The following FGF14 variants were observed in gnomAD, a reference collection of about 807,000 sequenced individuals.
The protein encoded by FGF14 is fibroblast growth factor homologous factor 4.
FGF14 carries 5 observed loss-of-function variants against 25.5 expected under a neutral mutation model. The observed-to-expected ratio is 0.20, with a 90% CI of 0.10 to 0.41. The LOEUF is 0.41. Among genes scored for constraint, FGF14 ranks in the 10% least tolerant of loss-of-function variants. The pLI is 1.00. For missense variants in FGF14, 222 were observed against 320.1 expected (o/e 0.69, Z 2.34); for synonymous variants, 138 against 118.3 (o/e 1.17, Z -1.08).
intron 1 of FGF14, among the ~76,000 whole-genome samples, chr13:102,145,612 C>A (rs919599635): frequency 5.3e-5 from 8 of 152,146 alleles, no homozygotes; most frequent in Non-Finnish European, 1.2e-4. Flanking sequence ...ACCAGTTACA[C>A]CTGTTAATGA....
chr13:102,204,661 C>T (rs909589964), intron 1 of FGF14, among the ~76,000 whole-genome samples: 3 of 152,086 alleles, frequency 2.0e-5, no homozygotes, highest in African/African-American at 7.2e-5. Context: ...ATTCTCCTGC[C>T]TCAGCCTCCC....
At chr13:102,258,473 C>A (rs1442363944) in intron 1 of FGF14, among the ~76,000 whole-genome samples, 1 of 152,146 alleles carries the variant, frequency 6.6e-6, no homozygotes, top group East Asian at 1.9e-4. Context: ...CCTTTTGGGA[C>A]TGCCTCACCC....
chr13:101,774,489 G>A (rs949008609), intron 3 of FGF14, among the ~76,000 whole-genome samples: 1 of 152,094 alleles, frequency 6.6e-6, no homozygotes, highest in Non-Finnish European at 1.5e-5. Context: ...GCTTTCGTTA[G>A]CTCTTATAGG....
intron 1 of FGF14, among the ~76,000 whole-genome samples, chr13:102,340,864 G>T (rs927352406): frequency 1.3e-5 from 2 of 152,184 alleles, no homozygotes; most frequent in African/African-American, 4.8e-5. Flanking sequence ...CCATGCATGT[G>T]TAATAGTTTA....
chr13:102,022,128 A>AC (rs1169498297), intron 1 of FGF14, among the ~76,000 whole-genome samples: 1 of 150,520 alleles, frequency 6.6e-6, no homozygotes, highest in Non-Finnish European at 1.5e-5. Flanking sequence ...CAGCACCCCC[A>AC]CCCCCCTTAC....
intron 1 of FGF14, among the ~76,000 whole-genome samples, chr13:102,202,179 G>A (rs1196068588): frequency 6.6e-6 from 1 of 152,148 alleles, no homozygotes; most frequent in Non-Finnish European, 1.5e-5. Flanking sequence ...GCGAAACCAT[G>A]AGCCAGTTAA....
At chr13:102,114,194 T>C (rs1594007046) in intron 1 of FGF14, among the ~76,000 whole-genome samples, 1 of 152,252 alleles carries the variant, frequency 6.6e-6, no homozygotes, top group Non-Finnish European at 1.5e-5. Context: ...CATATACCTA[T>C]TGATTACTGT....
At chr13:102,103,628 A>C (rs896682290) in intron 1 of FGF14, among the ~76,000 whole-genome samples, 10 of 152,198 alleles carry the variant, frequency 6.6e-5, no homozygotes, top group Non-Finnish European at 1.5e-4. Context: ...ACAAATGCAA[A>C]GCATCAAAGC....
intron 1 of FGF14, among the ~76,000 whole-genome samples, chr13:101,892,410 A>T (rs2029886620): frequency 6.6e-6 from 1 of 152,158 alleles, no homozygotes; most frequent in African/African-American, 2.4e-5. Flanking sequence ...AGTAAAAGCT[A>T]ATTAAGATCA....
At position 102,161,564 on chromosome 13, in the gene FGF14, GTGAAGAAAGAAAGA is replaced by G. The variant is rs2047629997; in HGVS notation, c.208+239893_208+239906del. 2.6e-3 allele frequency among the ~76,000 whole-genome samples: 23 copies of G among 8,704 alleles called. 2 individuals are homozygous for G. Among genetic ancestry groups the G allele is most frequent in the South Asian group, 0.013 (2 of 160 alleles). The allele number at this position is 8,704 out of a possible 152,430, so 5.7% of individuals were successfully genotyped here. ...ATATTCTCTATGCAACCAACTTTCTGTGAAGAAAGAAAGAAGAAGAAGAAGAAGAAGAAGAAGAA... is the reference window on the plus strand; with the variant it reads ...ATATTCTCTATGCAACCAACTTTCTGAGAAGAAGAAGAAGAAGAAGAAGAA... On this transcript the variant is annotated intron_variant, in intron 1 of 4. Transcript: ENST00000376131.
At chr13:102,254,715 T>C (rs935147474) in intron 1 of FGF14, among the ~76,000 whole-genome samples, 1 of 152,162 alleles carries the variant, frequency 6.6e-6, no homozygotes, top group Non-Finnish European at 1.5e-5. Context: ...ATCCCTGGCC[T>C]CTACCCACTA....
At chr13:102,202,408 G>C (rs1390913496) in intron 1 of FGF14, among the ~76,000 whole-genome samples, 5 of 152,202 alleles carry the variant, frequency 3.3e-5, no homozygotes, top group African/African-American at 7.2e-5. Flanking sequence ...GGAGACCCAT[G>C]AGCAGGAAGC....
intron 1 of FGF14, among the ~76,000 whole-genome samples, chr13:102,077,354 A>G (rs528711401): frequency 1.3e-5 from 2 of 152,304 alleles, no homozygotes; most frequent in East Asian, 3.9e-4. Context: ...CAGAGTGAAG[A>G]GACAGTCTGT....
intron 1 of FGF14, among the ~76,000 whole-genome samples, chr13:102,150,479 T>G (rs1231811677): frequency 6.6e-6 from 1 of 152,208 alleles, no homozygotes; most frequent in African/African-American, 2.4e-5. Context: ...CCCACCATTC[T>G]CACTTACGTT....
intron 3 of FGF14, among the ~76,000 whole-genome samples, chr13:101,750,343 A>G (rs1241317713): frequency 6.6e-6 from 1 of 152,150 alleles, no homozygotes; most frequent in Non-Finnish European, 1.5e-5. Context: ...ACTTGACTAT[A>G]TTTCACTATA....
chr13:102,180,735 T>C (rs1206579470), intron 1 of FGF14, among the ~76,000 whole-genome samples: 1 of 152,184 alleles, frequency 6.6e-6, no homozygotes, highest in Admixed American at 6.6e-5. Context: ...ATATGCTATA[T>C]GAAACTCTGT....
chr13:101,909,960 G>A (rs1011790491), intron 1 of FGF14, among the ~76,000 whole-genome samples: 1 of 152,070 alleles, frequency 6.6e-6, no homozygotes, highest in African/African-American at 2.4e-5. Flanking sequence ...GATGAAGCTG[G>A]AAACCATCAT....
chr13:102,258,778 A>G (rs2052573373), intron 1 of FGF14, among the ~76,000 whole-genome samples: 1 of 152,170 alleles, frequency 6.6e-6, no homozygotes, highest in Admixed American at 6.5e-5. Context: ...GAATGGAGGA[A>G]CATGCAAACA....
At chr13:101,901,518 A>T (rs1204219546) in intron 1 of FGF14, among the ~76,000 whole-genome samples, 1 of 152,158 alleles carries the variant, frequency 6.6e-6, no homozygotes, top group East Asian at 1.9e-4. Flanking sequence ...AGCCTGGACA[A>T]CATGGTGAAA....
Sources: gnomAD v4.1 joint callset for allele counts (sites outside exome capture counted in the v4.1 genomes callset) on GRCh38, gnomAD v4.1.1 for gene constraint, MANE v1.5 for transcripts, NCBI Gene and HGNC (gene_info 2026-07-23, HGNC 2026-07-21) for gene names.